The following RALGPS2 variants were observed in gnomAD, a reference collection of about 807,000 sequenced individuals.
RALGPS2 encodes the protein ras-specific guanine nucleotide-releasing factor RalGPS2.
In RALGPS2, 43 loss-of-function variants were observed where a neutral mutation model predicts 86.8. The ratio of observed to expected loss-of-function variants is 0.50; its 90% CI spans 0.39 to 0.64. RALGPS2 has a LOEUF of 0.64. Ranked by LOEUF, RALGPS2 falls within the 30% of genes least tolerant of loss-of-function variation. RALGPS2 has a pLI of 0.00. For missense variants in RALGPS2, 536 were observed against 694.6 expected, an observed-to-expected ratio of 0.77 and a Z score of 2.57; for synonymous variants, 243 against 231.3, an observed-to-expected ratio of 1.05 and a Z score of -0.46.
At position 178,921,237 on chromosome 1, in the gene RALGPS2, G is replaced by A. The variant is rs1212187426; in HGVS notation, c.*4878G>A. 6.6e-6 allele frequency: 1 copy of A among 151,988 alleles called. No individual in the cohort carries two copies. Among genetic ancestry groups the A allele is most frequent in the Non-Finnish European group, 1.5e-5 (1 of 67,904 alleles). 9.4% of individuals were successfully genotyped at this position (151,988 alleles called of 1,614,324 possible). A position where few individuals can be genotyped will look rare whatever the true frequency, so the allele number is the denominator to read the frequency against. ...TACAGAAGTGATTATGGGATTAAAA[G>A]AATACATAATTACAGTGTTTTGGGA... On this transcript the variant is annotated 3_prime_UTR_variant, in exon 20 of 20. Coordinates refer to ENST00000367635, the MANE Select transcript of RALGPS2 (RefSeq NM_152663.5).
At chr1:178,860,221 C>A (rs1354635139) in intron 8 of RALGPS2, among the ~76,000 whole-genome samples, 1 of 152,022 alleles carries the variant, frequency 6.6e-6, no homozygotes, top group Non-Finnish European at 1.5e-5. Flanking sequence ...AATGCAGGCA[C>A]CAAATAACAT....
intron 8 of RALGPS2, among the ~76,000 whole-genome samples, chr1:178,867,234 C>T (rs1658473650): frequency 6.6e-6 from 1 of 152,116 alleles, no homozygotes; most frequent in Non-Finnish European, 1.5e-5. Context: ...TCATGTTTTA[C>T]TTATCACCAC....
intron 16 of RALGPS2, among the ~76,000 whole-genome samples, chr1:178,896,488 T>C (rs1659943928): frequency 6.6e-6 from 1 of 150,820 alleles, no homozygotes; most frequent in Non-Finnish European, 1.5e-5. Flanking sequence ...TTTATTATAC[T>C]TTAAGTTTTA....
In RALGPS2 at chr1:178,917,766, G is replaced by A. The variant is rs554827976; in HGVS notation, c.*1407G>A. On this transcript the variant is annotated 3_prime_UTR_variant, in exon 20 of 20. Coordinates refer to ENST00000367635, the MANE Select transcript of RALGPS2 (RefSeq NM_152663.5). ...ATGCCTTAGAATTTTAATGAAAAATGACACTCAAACAAAGGCTATATGTCG... is the reference window on the plus strand; with the variant it reads ...ATGCCTTAGAATTTTAATGAAAAATAACACTCAAACAAAGGCTATATGTCG... 3.3e-4 allele frequency: 50 copies of A among 152,180 alleles called. No individual in the cohort carries two copies. Among genetic ancestry groups the A allele is most frequent in the Middle Eastern group, 3.4e-3 (1 of 294 alleles). 9.4% of individuals were successfully genotyped at this position (152,180 alleles called of 1,614,324 possible). A position where few individuals can be genotyped will look rare whatever the true frequency, so the allele number is the denominator to read the frequency against.
In RALGPS2 at chr1:178,797,047, G is replaced by A. The variant is rs945345430; in HGVS notation, c.214-10998G>A. On this transcript the variant is annotated intron_variant, in intron 4 of 19. Coordinates refer to ENST00000367635, the MANE Select transcript of RALGPS2 (RefSeq NM_152663.5). ...TCATTTAGCCTTTGCTAAAATGGAGGCTTATTTACATAGTATACTCAAAAC... is the reference window on the plus strand; with the variant it reads ...TCATTTAGCCTTTGCTAAAATGGAGACTTATTTACATAGTATACTCAAAAC... Among the ~76,000 whole-genome samples, 12 of 152,104 alleles carry A rather than the reference G, an allele frequency of 7.9e-5. 1 individual carries two copies. The highest frequency in any genetic ancestry group is 1.8e-4 in the Non-Finnish European group (12 of 68,000).
chr1:178,787,031 C>A (rs1289072788), intron 4 of RALGPS2, among the ~76,000 whole-genome samples: 1 of 151,638 alleles, frequency 6.6e-6, no homozygotes, highest in Non-Finnish European at 1.5e-5. Flanking sequence ...CTAAGTAGAA[C>A]CATTGGATTA....
chr1:178,830,705 A>G (rs990008733), intron 7 of RALGPS2, among the ~76,000 whole-genome samples: 3 of 152,192 alleles, frequency 2.0e-5, no homozygotes, highest in African/African-American at 7.2e-5. Context: ...GATTTTTTAG[A>G]TAAGATACAG....
At chr1:178,766,110 C>T (rs928244155) in intron 1 of RALGPS2, among the ~76,000 whole-genome samples, 2 of 152,228 alleles carry the variant, frequency 1.3e-5, no homozygotes, top group Middle Eastern at 3.4e-3. Flanking sequence ...GATAAGTGTC[C>T]ATGAAATCTT....
chr1:178,746,477 A>C (rs992417318), intron 1 of RALGPS2, among the ~76,000 whole-genome samples: 5 of 152,312 alleles, frequency 3.3e-5, no homozygotes, highest in Admixed American at 3.3e-4. Context: ...ATAAACACTT[A>C]ACATCCAGTT....
chr1:178,777,675 G>GT (rs1653164085), intron 2 of RALGPS2, among the ~76,000 whole-genome samples: 1 of 151,654 alleles, frequency 6.6e-6, no homozygotes, highest in African/African-American at 2.4e-5. Flanking sequence ...AAACAGCATG[G>GT]TACTGGTACC....
At chr1:178,843,544 C>A (rs969162266) in intron 8 of RALGPS2, among the ~76,000 whole-genome samples, 1 of 147,330 alleles carries the variant, frequency 6.8e-6, no homozygotes, top group Admixed American at 6.7e-5. Context: ...GGGAGATATA[C>A]CTAATGCTAG....
At chr1:178,736,337 T>G (rs1650703283) in intron 1 of RALGPS2, among the ~76,000 whole-genome samples, 1 of 151,936 alleles carries the variant, frequency 6.6e-6, no homozygotes, top group African/African-American at 2.4e-5. Context: ...AATTCTTGTA[T>G]TTTCAGTAGA....
chr1:178,805,797 A>G (rs1654714061), intron 4 of RALGPS2, among the ~76,000 whole-genome samples: 1 of 152,144 alleles, frequency 6.6e-6, no homozygotes, highest in African/African-American at 2.4e-5. Context: ...TTGACTAAGT[A>G]ACTATATTTT....
At chr1:178,858,597 T>C (rs1368255156) in intron 8 of RALGPS2, among the ~76,000 whole-genome samples, 1 of 152,186 alleles carries the variant, frequency 6.6e-6, no homozygotes, top group African/African-American at 2.4e-5. Flanking sequence ...TACATTGAAT[T>C]TGAAGAACCA....
At chr1:178,786,057 A>G (rs1012013513) in intron 4 of RALGPS2, among the ~76,000 whole-genome samples, 9 of 152,130 alleles carry the variant, frequency 5.9e-5, no homozygotes, top group African/African-American at 1.4e-4. Flanking sequence ...AATATTTACT[A>G]TTCATTCAGG....
chr1:178,729,500 A>T (rs530469790), intron 1 of RALGPS2, among the ~76,000 whole-genome samples: 116 of 152,308 alleles, frequency 7.6e-4, no homozygotes, highest in African/African-American at 2.5e-3. Context: ...TTAAAAAAAG[A>T]TTAATATTTG....
intron 12 of RALGPS2, chr1:178,885,415 C>G: frequency 1.9e-6 from 1 of 532,924 alleles, no homozygotes; most frequent in South Asian, 2.7e-5. Flanking sequence ...ATTTTGTCAA[C>G]AATGCATTTA....
chr1:178,788,845 CTTTTCTTTTCT>C (rs747858202), intron 4 of RALGPS2, among the ~76,000 whole-genome samples: 174 of 28,450 alleles, frequency 6.1e-3, no homozygotes, highest in African/African-American at 0.028. Context: ...TTCTTTCTTT[CTTTTCTTTTCT>C]TTTCTTTTCT....
chr1:178,863,670 A>G (rs963318265), intron 8 of RALGPS2, among the ~76,000 whole-genome samples: 2 of 151,698 alleles, frequency 1.3e-5, no homozygotes, highest in African/African-American at 2.4e-5. Context: ...TTCAGGAATC[A>G]TCTGAGCAGT....
Sources: allele counts gnomAD v4.1 joint callset (sites outside exome capture counted in the v4.1 genomes callset), GRCh38; gene constraint gnomAD v4.1.1; transcripts MANE v1.5; gene names NCBI Gene and HGNC (gene_info 2026-07-23, HGNC 2026-07-21).